Variants in UBE2E2 observed in about 807,000 individuals in gnomAD.
The protein encoded by UBE2E2 is ubiquitin-conjugating enzyme E2 E2.
A neutral mutation model predicts 24.7 loss-of-function variants in UBE2E2; 6 were observed. The ratio of observed to expected loss-of-function variants is 0.24; its 90% confidence interval spans 0.13 to 0.48. The LOEUF is 0.48. Among genes scored for constraint, UBE2E2 ranks in the 20% least tolerant of loss-of-function variants. UBE2E2 has a pLI of 0.99. For missense variants in UBE2E2, 169 were observed against 245.0 expected (o/e 0.69, Z 2.07); for synonymous variants, 104 against 83.6 (o/e 1.24, Z -1.33).
intron 3 of UBE2E2, among the ~76,000 whole-genome samples, chr3:23,447,455 T>C (rs1289748847): frequency 6.6e-6 from 1 of 152,220 alleles, no homozygotes; most frequent in East Asian, 1.9e-4. Flanking sequence ...ATGCATTCTT[T>C]AAAAATCTTG....
At chr3:23,381,572 G>A (rs958855844) in intron 3 of UBE2E2, among the ~76,000 whole-genome samples, 1 of 152,130 alleles carries the variant, frequency 6.6e-6, no homozygotes, top group Non-Finnish European at 1.5e-5. Context: ...CTGTCTGCCA[G>A]TACCCCGGCT....
intron 3 of UBE2E2, among the ~76,000 whole-genome samples, chr3:23,354,636 C>T (rs912541269): frequency 2.6e-5 from 4 of 152,148 alleles, no homozygotes; most frequent in African/African-American, 9.7e-5. Context: ...AAATGCTCAC[C>T]ATCACTGGCC....
intron 3 of UBE2E2, among the ~76,000 whole-genome samples, chr3:23,482,912 A>G (rs1386609768): frequency 6.6e-6 from 1 of 152,204 alleles, no homozygotes; most frequent in Admixed American, 6.5e-5. Flanking sequence ...TTGCCAAATA[A>G]CTAACTGAAT....
intron 4 of UBE2E2, among the ~76,000 whole-genome samples, chr3:23,523,982 G>A (rs368915871): frequency 5.9e-5 from 9 of 151,960 alleles, no homozygotes; most frequent in East Asian, 1.9e-4. Flanking sequence ...GGGGTTCTCC[G>A]TGGAAAAGTA....
chr3:23,572,532 C>T (rs1189881117), intron 5 of UBE2E2, among the ~76,000 whole-genome samples: 1 of 152,174 alleles, frequency 6.6e-6, no homozygotes, highest in Non-Finnish European at 1.5e-5. Flanking sequence ...GCCCCCTTCC[C>T]CGACTCTCAC....
intron 2 of UBE2E2, among the ~76,000 whole-genome samples, chr3:23,213,045 TTAGAG>T (rs1464979739): frequency 6.6e-6 from 1 of 152,096 alleles, no homozygotes; most frequent in African/African-American, 2.4e-5. Context: ...ATTCAATTGA[TTAGAG>T]TAGGGGTTTT....
rs1006972160 is a variant in UBE2E2, at chr3:23,590,045, C to T, written c.*214C>T. On this transcript the variant is annotated 3_prime_UTR_variant, in exon 6 of 6. Transcript: ENST00000396703. ...TCTCTTTTATCTCTCATTTTATTCC[C>T]TTGTTGATTTCTGTTAACTTGAAAG... The T allele has an allele frequency of 2.1e-6, 1 of 473,084 alleles. No homozygotes were observed. Among genetic ancestry groups the T allele is most frequent in the African/African-American group, 1.9e-5 (1 of 51,580 alleles). The allele number at this position is 473,084 out of a possible 1,614,324, so 29.3% of individuals were successfully genotyped here. A position where few individuals can be genotyped will look rare whatever the true frequency, so the allele number is the denominator to read the frequency against.
intron 4 of UBE2E2, among the ~76,000 whole-genome samples, chr3:23,529,360 T>C (rs1284286216): frequency 1.3e-5 from 2 of 152,254 alleles, no homozygotes; most frequent in Non-Finnish European, 2.9e-5. Context: ...ACTGTAGTTA[T>C]ACAGGATGTT....
chr3:23,260,290 G>A (rs1380834522), intron 3 of UBE2E2, among the ~76,000 whole-genome samples: 4 of 152,016 alleles, frequency 2.6e-5, no homozygotes, highest in African/African-American at 9.7e-5. Context: ...AAAAACATTT[G>A]TAAATTATTA....
At chr3:23,323,038 A>G (rs113405845) in intron 3 of UBE2E2, among the ~76,000 whole-genome samples, 1 of 151,980 alleles carries the variant, frequency 6.6e-6, no homozygotes, top group Non-Finnish European at 1.5e-5. Flanking sequence ...TATCGTGTCT[A>G]TACATTTCAC....
At chr3:23,254,985 A>C (rs1223076299) in intron 3 of UBE2E2, among the ~76,000 whole-genome samples, 3 of 151,982 alleles carry the variant, frequency 2.0e-5, no homozygotes, top group East Asian at 1.9e-4. Context: ...AGGATAAGCC[A>C]GTGCTGCATA....
intron 3 of UBE2E2, among the ~76,000 whole-genome samples, chr3:23,302,937 A>T (rs1699139131): frequency 6.6e-6 from 1 of 152,202 alleles, no homozygotes. Flanking sequence ...GAAACACATA[A>T]ACCAGGGGTC....
chr3:23,380,412 G>A (rs1331998483), intron 3 of UBE2E2, among the ~76,000 whole-genome samples: 1 of 152,222 alleles, frequency 6.6e-6, no homozygotes, highest in East Asian at 1.9e-4. Context: ...TTTTTGTAGA[G>A]ACTAGGTTTT....
chr3:23,392,016 T>C (rs1696947201), intron 3 of UBE2E2, among the ~76,000 whole-genome samples: 1 of 152,158 alleles, frequency 6.6e-6, no homozygotes, highest in South Asian at 2.1e-4. Flanking sequence ...CTTAATGTTC[T>C]GTTTGTGCTG....
At chr3:23,505,208 ACCG>A (rs1202108260) in intron 4 of UBE2E2, among the ~76,000 whole-genome samples, 2 of 151,278 alleles carry the variant, frequency 1.3e-5, no homozygotes, top group Non-Finnish European at 2.9e-5. Flanking sequence ...GGCATGAGCC[ACCG>A]CCGCCGGCCT....
rs530689487 is a variant in UBE2E2 at position 23,410,288 on chromosome 3, TC to T, written c.228-89319del. Among the ~76,000 whole-genome samples, 341 of 152,342 alleles carry T rather than the reference TC, an allele frequency of 2.2e-3. 3 individuals are homozygous for T. The highest frequency in any genetic ancestry group is 7.8e-3 in the African/African-American group (325 of 41,588). ...TGTAGAATATTTTATTTGCTTAGTT[TC>T]TCTTCCTCTGCAGCATTTAAACAAC... On this transcript the variant is annotated intron_variant, in intron 3 of 5. Coordinates refer to ENST00000396703, the MANE Select transcript of UBE2E2 (RefSeq NM_152653.4).
intron 3 of UBE2E2, among the ~76,000 whole-genome samples, chr3:23,490,716 G>A (rs1699477163): frequency 6.6e-6 from 1 of 152,124 alleles, no homozygotes; most frequent in Non-Finnish European, 1.5e-5. Context: ...CTGGGAAAAG[G>A]AAGTATTATG....
chr3:23,245,009 G>T (rs1338004204), intron 3 of UBE2E2, among the ~76,000 whole-genome samples: 2 of 152,098 alleles, frequency 1.3e-5, no homozygotes, highest in Admixed American at 1.3e-4. Context: ...GGAAGGTCCT[G>T]ATTTCAGATA....
intron 3 of UBE2E2, among the ~76,000 whole-genome samples, chr3:23,390,382 T>C (rs1248122628): frequency 6.6e-6 from 1 of 152,198 alleles, no homozygotes; most frequent in Non-Finnish European, 1.5e-5. Flanking sequence ...CAGATAGATG[T>C]GGCTTAAGTT....
Sources: gnomAD v4.1 joint callset for allele counts (sites outside exome capture counted in the v4.1 genomes callset) on GRCh38, gnomAD v4.1.1 for gene constraint, MANE v1.5 for transcripts, NCBI Gene and HGNC (gene_info 2026-07-23, HGNC 2026-07-21) for gene names.